The following TRMT11 variants were observed in gnomAD, a reference collection of about 807,000 sequenced individuals.
The protein encoded by TRMT11 is tRNA (guanine(10)-N(2))-methyltransferase TRMT11.
TRMT11 carries 53 observed loss-of-function variants against 62.8 expected under a neutral mutation model. The ratio of observed to expected loss-of-function variants is 0.84; its 90% CI spans 0.68 to 1.06. The LOEUF is 1.06. Ranked by LOEUF, TRMT11 falls within the 50% of genes least tolerant of loss-of-function variation. TRMT11 has a pLI of 0.00. For synonymous variants in TRMT11, 188 were observed against 190.3 expected (o/e 0.99, Z 0.10); for missense variants, 556 against 553.4 (o/e 1.00, Z -0.05).
At chr6:126,033,155 T>C (rs1392425151) in intron 12 of TRMT11, among the ~76,000 whole-genome samples, 1 of 152,168 alleles carries the variant, frequency 6.6e-6, no homozygotes, top group East Asian at 1.9e-4. Flanking sequence ...ATTAGGAGGA[T>C]CGTTTTATCT....
chr6:126,212,089 C>T, the TRMT11 span, among the ~76,000 whole-genome samples: 1 of 152,114 alleles, frequency 6.6e-6, no homozygotes, highest in Non-Finnish European at 1.5e-5. Context: ...CATGTTATTG[C>T]AAATGACAGG....
At chr6:126,239,252 G>A in the TRMT11 span, among the ~76,000 whole-genome samples, 12 of 152,270 alleles carry the variant, frequency 7.9e-5, no homozygotes, top group South Asian at 1.9e-3. Context: ...CTGTCATTAC[G>A]ATGTTAGCTG....
At chr6:126,071,796 G>A (rs1776866710) in intron 17 of TRMT11, among the ~76,000 whole-genome samples, 1 of 151,914 alleles carries the variant, frequency 6.6e-6, no homozygotes, top group Non-Finnish European at 1.5e-5. Flanking sequence ...ATAAATCTCA[G>A]CTAAAATCTC....
intron 7 of TRMT11, chr6:126,006,731 C>T (rs1033570927): frequency 6.6e-6 from 1 of 151,486 alleles, no homozygotes; most frequent in Non-Finnish European, 1.5e-5. Flanking sequence ...TACCCAGTGA[C>T]CAGTTCAGAT....
At chr6:126,086,575 C>A (rs973268951) in intron 17 of TRMT11, among the ~76,000 whole-genome samples, 32 of 152,190 alleles carry the variant, frequency 2.1e-4, no homozygotes, top group Non-Finnish European at 3.1e-4. Flanking sequence ...TCCCTGCCTT[C>A]AGTCCATTTT....
the TRMT11 span, among the ~76,000 whole-genome samples, chr6:126,209,766 A>C: frequency 2.0e-5 from 3 of 152,174 alleles, no homozygotes; most frequent in South Asian, 2.1e-4. Context: ...ACAACAACAA[A>C]AAAACAAAAA....
chr6:126,268,867 A>G, the TRMT11 span, among the ~76,000 whole-genome samples: 83 of 152,328 alleles, frequency 5.4e-4, 3 homozygotes, highest in South Asian at 0.013. Flanking sequence ...TAAATATAGC[A>G]GAGAACATAG....
intron 11 of TRMT11, among the ~76,000 whole-genome samples, chr6:126,019,090 G>C (rs950525195): frequency 1.3e-5 from 2 of 152,056 alleles, no homozygotes; most frequent in African/African-American, 4.8e-5. Flanking sequence ...ATTTTGGCCA[G>C]GCTGGTCTTG....
chr6:126,104,411 A>G (rs867490572), intron 17 of TRMT11, among the ~76,000 whole-genome samples: 7 of 152,206 alleles, frequency 4.6e-5, no homozygotes, highest in African/African-American at 1.2e-4. Flanking sequence ...GAGGAACAGG[A>G]ATATAGCCTC....
At chr6:126,173,246 A>G (rs1340968717), upstream of TRMT11, among the ~76,000 whole-genome samples, 1 of 152,224 alleles carries the variant, frequency 6.6e-6, no homozygotes, top group Non-Finnish European at 1.5e-5. Context: ...GATGCTTTAT[A>G]TAAAAATATA....
the TRMT11 span, among the ~76,000 whole-genome samples, chr6:126,242,266 T>C: frequency 6.6e-6 from 1 of 152,136 alleles, no homozygotes; most frequent in South Asian, 2.1e-4. Context: ...TACAAACCAC[T>C]GCTCAACTAA....
At chr6:126,265,101 T>C in the TRMT11 span, among the ~76,000 whole-genome samples, 2 of 152,186 alleles carry the variant, frequency 1.3e-5, no homozygotes, top group Non-Finnish European at 2.9e-5. Context: ...TTCACATTTA[T>C]GTTCATATAC....
intron 21 of TRMT11, among the ~76,000 whole-genome samples, chr6:126,167,471 G>A (rs1038880369): frequency 2.0e-5 from 3 of 152,152 alleles, no homozygotes; most frequent in Non-Finnish European, 4.4e-5. Context: ...CCAATGAGAC[G>A]AAGTGGGTAC....
chr6:126,021,065 G>A (rs977976548), intron 11 of TRMT11, 95 bp from the exon 12 acceptor site: 11 of 1,415,910 alleles, frequency 7.8e-6, no homozygotes, highest in South Asian at 1.3e-5. Flanking sequence ...AGAGCATGTA[G>A]TGGAAGAACA....
intron 21 of TRMT11, among the ~76,000 whole-genome samples, chr6:126,119,586 C>T (rs1442791200): frequency 6.6e-6 from 1 of 151,640 alleles, no homozygotes; most frequent in Non-Finnish European, 1.5e-5. Flanking sequence ...TGGTAAAGTA[C>T]CAATGGACCG....
intron 21 of TRMT11, among the ~76,000 whole-genome samples, chr6:126,160,386 C>CTTTTT (rs1007510383): frequency 2.0e-5 from 3 of 149,094 alleles, no homozygotes; most frequent in African/African-American, 7.4e-5. Context: ...GCTATTGCTT[C>CTTTTT]TTTTTTTTTT....
At chr6:126,259,734 T>C in the TRMT11 span, among the ~76,000 whole-genome samples, 1 of 152,330 alleles carries the variant, frequency 6.6e-6, no homozygotes, top group East Asian at 1.9e-4. Flanking sequence ...ATATTTGCTT[T>C]ATATATATGG....
chr6:126,072,974 A>G (rs1273629911), intron 17 of TRMT11, among the ~76,000 whole-genome samples: 1 of 152,172 alleles, frequency 6.6e-6, no homozygotes, highest in African/African-American at 2.4e-5. Context: ...GTGTCTTAGG[A>G]TTTCAACAGA....
intron 9 of TRMT11, among the ~76,000 whole-genome samples, chr6:126,011,640 C>T (rs988081879): frequency 2.0e-5 from 3 of 152,018 alleles, no homozygotes; most frequent in African/African-American, 7.3e-5. Context: ...ATTGGCTTGC[C>T]ATCCCCTGTT....
Sources: allele counts gnomAD v4.1 joint callset (sites outside exome capture counted in the v4.1 genomes callset), GRCh38; gene constraint gnomAD v4.1.1; transcripts MANE v1.5; gene names NCBI Gene and HGNC (gene_info 2026-07-23, HGNC 2026-07-21).